The following DISC1 variants were observed in gnomAD, a reference collection of about 807,000 sequenced individuals.
DISC1 encodes the protein DISC1 scaffold protein.
A neutral mutation model predicts 84.5 loss-of-function variants in DISC1; 57 were observed. The ratio of observed to expected loss-of-function variants is 0.67; its 90% CI spans 0.55 to 0.84. The LOEUF is 0.84. DISC1 is among the 40% of genes least tolerant of loss of function. DISC1 has a pLI of 0.00. For synonymous variants in DISC1, 411 were observed against 415.2 expected (o/e 0.99, Z 0.12); for missense variants, 1,000 against 1,057.8 (o/e 0.95, Z 0.76).
intron 3 of DISC1, among the ~76,000 whole-genome samples, chr1:231,749,190 T>G (rs1031778475): frequency 3.3e-5 from 5 of 152,166 alleles, no homozygotes; most frequent in Non-Finnish European, 7.3e-5. Flanking sequence ...AACACTCCAG[T>G]CAAATCTTAC....
intron 10 of DISC1, among the ~76,000 whole-genome samples, chr1:231,995,686 C>G (rs1455248711): frequency 1.3e-5 from 2 of 151,818 alleles, no homozygotes; most frequent in African/African-American, 4.8e-5. Flanking sequence ...TTTTTTATGG[C>G]TGCATAGTAT....
intron 9 of DISC1, among the ~76,000 whole-genome samples, chr1:231,868,692 T>TTTTATATATATATATATATATATATA (rs2085227096): frequency 9.2e-6 from 1 of 108,842 alleles, no homozygotes; most frequent in African/African-American, 3.2e-5. Context: ...ACCCCATCTC[T>TTTTATATATATATATATATATATATA]TATATATATA....
At chr1:231,799,819 C>T (rs1163624234) in intron 7 of DISC1, among the ~76,000 whole-genome samples, 4 of 145,592 alleles carry the variant, frequency 2.7e-5, no homozygotes, top group Non-Finnish European at 6.0e-5. Context: ...CTTCTTCCTA[C>T]ATTTCCCTCC....
At chr1:231,645,668 G>A (rs532564180) in intron 1 of DISC1, among the ~76,000 whole-genome samples, 52 of 151,472 alleles carry the variant, frequency 3.4e-4, no homozygotes, top group Non-Finnish European at 6.3e-4. Context: ...ATCCCTCCCC[G>A]CACCCCACGA....
At chr1:231,988,246 C>T (rs1461997084) in intron 10 of DISC1, among the ~76,000 whole-genome samples, 1 of 152,228 alleles carries the variant, frequency 6.6e-6, no homozygotes, top group Non-Finnish European at 1.5e-5. Flanking sequence ...AGACCGACAA[C>T]ATTGACATCA....
chr1:231,914,049 G>T (rs529721944), intron 9 of DISC1, among the ~76,000 whole-genome samples: 89 of 152,324 alleles, frequency 5.8e-4, no homozygotes, highest in African/African-American at 2.1e-3. Context: ...GTTCTGGAGG[G>T]AGACAGCCCA....
Position 231,713,703 on chromosome 1 carries a change from G to GATAT in DISC1, c.1117+11697_1117+11700dup, listed in dbSNP as rs141599033. ...CAGATATATATATATATATATAGGA[G>GATAT]ATATATATATATATATATATAGGAG... On this transcript the variant is annotated intron_variant, in intron 3 of 12. Transcript: ENST00000439617. Among the ~76,000 whole-genome samples, 692 of 129,476 alleles carry GATAT rather than the reference G, an allele frequency of 5.3e-3. 10 individuals are homozygous for GATAT. Among genetic ancestry groups the GATAT allele is most frequent in the African/African-American group, 0.019 (620 of 31,850 alleles). 84.9% of individuals were successfully genotyped at this position (129,476 alleles called of 152,430 possible). A position where few individuals can be genotyped will look rare whatever the true frequency, so the allele number is the denominator to read the frequency against.
rs1230287794 is a variant in DISC1, at chr1:232,038,720, TAAC to T, written c.*1890_*1892del. 1 of 152,220 alleles carries T rather than the reference TAAC, an allele frequency of 6.6e-6. No individual in the cohort carries two copies. Among genetic ancestry groups the T allele is most frequent in the Admixed American group, 6.5e-5 (1 of 15,280 alleles). The allele number at this position is 152,220 out of a possible 1,614,324, so 9.4% of individuals were successfully genotyped here. ...CACTTTTGCAGAGTGTTGAGCTTAA[TAAC>T]TACCTGCCACAGATTGGTAAATTTA... On this transcript the variant is annotated 3_prime_UTR_variant, in exon 13 of 13. Coordinates refer to ENST00000439617, the MANE Select transcript of DISC1 (RefSeq NM_018662.3).
chr1:231,716,871 T>C (rs1045323379), intron 3 of DISC1, among the ~76,000 whole-genome samples: 22 of 152,328 alleles, frequency 1.4e-4, no homozygotes, highest in Non-Finnish European at 2.8e-4. Flanking sequence ...TTCCTTGCTC[T>C]GGGTGATGGA....
At chr1:231,921,282 C>T (rs2089993929) in intron 9 of DISC1, among the ~76,000 whole-genome samples, 1 of 152,156 alleles carries the variant, frequency 6.6e-6, no homozygotes, top group Non-Finnish European at 1.5e-5. Context: ...CCTTCCCATG[C>T]AACTTACATA....
At chr1:231,638,328 TTAAC>T (rs1233063038) in intron 1 of DISC1, among the ~76,000 whole-genome samples, 5 of 152,228 alleles carry the variant, frequency 3.3e-5, no homozygotes, top group Non-Finnish European at 5.9e-5. Context: ...GCTTTTTAGT[TTAAC>T]TAAGTACCAT....
intron 4 of DISC1, among the ~76,000 whole-genome samples, chr1:231,766,357 T>C (rs772495337): frequency 7.3e-5 from 11 of 151,226 alleles, no homozygotes; most frequent in Non-Finnish European, 1.3e-4. Context: ...AGGAGCTCAG[T>C]TGCATTTTCT....
intron 1 of DISC1, among the ~76,000 whole-genome samples, chr1:231,641,031 A>T (rs2059607513): frequency 6.6e-6 from 1 of 152,258 alleles, no homozygotes. Flanking sequence ...CTGGTCTTAC[A>T]AGATGAACTG....
chr1:231,906,019 CTTTTTTTTT>C (rs5781677), intron 9 of DISC1, among the ~76,000 whole-genome samples: 1 of 76,970 alleles, frequency 1.3e-5, no homozygotes, highest in African/African-American at 5.1e-5. Flanking sequence ...GAGGTCATGG[CTTTTTTTTT>C]TTTTTTTTTT....
intron 6 of DISC1, chr1:231,774,579 G>A: frequency 2.5e-6 from 1 of 396,498 alleles, no homozygotes; most frequent in South Asian, 1.9e-5. Flanking sequence ...GCATCTGGAG[G>A]GCAGTGTGGG....
chr1:231,909,763 C>T (rs1378968855), intron 9 of DISC1, among the ~76,000 whole-genome samples: 1 of 152,154 alleles, frequency 6.6e-6, no homozygotes, highest in Non-Finnish European at 1.5e-5. Context: ...ACCAGCTCCT[C>T]TTTGTACGTC....
intron 10 of DISC1, among the ~76,000 whole-genome samples, chr1:231,966,536 T>C (rs1661141880): frequency 6.6e-6 from 1 of 152,256 alleles, no homozygotes; most frequent in African/African-American, 2.4e-5. Flanking sequence ...TATTGCCTGA[T>C]GGCAAACTCA....
At chr1:231,631,725 T>TA (rs2058726858) in intron 1 of DISC1, among the ~76,000 whole-genome samples, 1 of 151,742 alleles carries the variant, frequency 6.6e-6, no homozygotes, top group African/African-American at 2.4e-5. Context: ...TGTGTTTTTA[T>TA]AAAAAAGTCA....
At chr1:231,793,636 C>T (rs2078520142) in intron 6 of DISC1, among the ~76,000 whole-genome samples, 1 of 152,078 alleles carries the variant, frequency 6.6e-6, no homozygotes, top group African/African-American at 2.4e-5. Flanking sequence ...GACTTTCTTC[C>T]TCCAAATCAT....
Sources: allele counts gnomAD v4.1 joint callset (sites outside exome capture counted in the v4.1 genomes callset), GRCh38; gene constraint gnomAD v4.1.1; transcripts MANE v1.5; gene names NCBI Gene and HGNC (gene_info 2026-07-23, HGNC 2026-07-21).